UBR3: variants seen among roughly 807,000 people sequenced by gnomAD.
The protein encoded by UBR3 is ubiquitin protein ligase E3 component n-recognin 3.
A neutral mutation model predicts 243.2 loss-of-function variants in UBR3; 85 were observed. That is an observed-to-expected ratio of 0.35 (90% CI 0.29 to 0.42). UBR3 has a LOEUF of 0.42. UBR3 is among the 10% of genes least tolerant of loss of function. UBR3 has a pLI of 1.00. For missense variants in UBR3, 1,686 were observed against 2,300.8 expected (o/e 0.73, Z 5.47); for synonymous variants, 748 against 799.8 (o/e 0.94, Z 1.09).
intron 24 of UBR3, among the ~76,000 whole-genome samples, chr2:169,966,575 T>G (rs2087818743): frequency 6.6e-6 from 1 of 152,204 alleles, no homozygotes; most frequent in Non-Finnish European, 1.5e-5. Context: ...AAGTCTGTAC[T>G]TCTTTGGGGA....
rs569446701 is a variant in UBR3 at position 169,913,518 on chromosome 2, A to G, written c.1780-542A>G. ...TGGTACACACATCATTTCTTCTCCCAAATTCTGTTGTAAGTCAAGGTATTC... is the reference window on the plus strand; with the variant it reads ...TGGTACACACATCATTTCTTCTCCCGAATTCTGTTGTAAGTCAAGGTATTC... On this transcript the variant is annotated intron_variant, in intron 10 of 38. Coordinates refer to ENST00000272793, the MANE Select transcript of UBR3 (RefSeq NM_172070.4). Among the ~76,000 whole-genome samples the G allele has an allele frequency of 5.3e-5, 8 of 152,150 alleles. No homozygotes were observed. In the South Asian group the frequency reaches 1.7e-3, roughly 32 times the overall value.
chr2:170,077,940 C>T, intron 36 of UBR3: 1 of 546,114 alleles, frequency 1.8e-6, no homozygotes, highest in East Asian at 4.1e-5. Flanking sequence ...TACATTTAGA[C>T]AGAGGGACTT....
At chr2:169,932,251 T>A (rs904417774) in intron 18 of UBR3, among the ~76,000 whole-genome samples, 1 of 152,054 alleles carries the variant, frequency 6.6e-6, no homozygotes, top group African/African-American at 2.4e-5. Flanking sequence ...TTAATTTTTG[T>A]ATTTTTAGTA....
chr2:169,946,785 A>G (rs190163974), intron 21 of UBR3, among the ~76,000 whole-genome samples: 3 of 152,232 alleles, frequency 2.0e-5, no homozygotes, highest in African/African-American at 7.2e-5. Context: ...AACCAGTAAA[A>G]CTGAAGTTAG....
intron 17 of UBR3, among the ~76,000 whole-genome samples, chr2:169,928,512 TTAG>T (rs1163420315): frequency 3.3e-5 from 5 of 152,296 alleles, no homozygotes; most frequent in Non-Finnish European, 5.9e-5. Context: ...ATACAATTTA[TTAG>T]TAGGCTCCTA....
At chr2:170,073,730 T>G (rs1234580904) in intron 36 of UBR3, 123 bp downstream of exon 36, 1 of 966,084 alleles carries the variant, frequency 1.0e-6, no homozygotes, top group Non-Finnish European at 1.5e-6. Flanking sequence ...TTGATTAAAT[T>G]GAAAAAATTG....
At chr2:170,012,469 A>T (rs1227578970) in intron 29 of UBR3, among the ~76,000 whole-genome samples, 1 of 152,178 alleles carries the variant, frequency 6.6e-6, no homozygotes, top group Non-Finnish European at 1.5e-5. Flanking sequence ...AACTAATATA[A>T]CATCAATCTA....
intron 28 of UBR3, 31 bp from the exon 29 acceptor site, chr2:170,008,773 A>G: frequency 9.5e-7 from 1 of 1,048,342 alleles, no homozygotes; most frequent in Non-Finnish European, 1.4e-6. Flanking sequence ...GTGAATATAA[A>G]CTTTATATGT....
At chr2:169,979,317 C>T (rs949793860) in intron 24 of UBR3, among the ~76,000 whole-genome samples, 3 of 152,158 alleles carry the variant, frequency 2.0e-5, no homozygotes, top group Admixed American at 6.5e-5. Flanking sequence ...CAAAATGGTA[C>T]GGCTGCTTTG....
At chr2:169,971,823 A>G (rs937746590) in intron 24 of UBR3, among the ~76,000 whole-genome samples, 1 of 152,176 alleles carries the variant, frequency 6.6e-6, no homozygotes, top group Non-Finnish European at 1.5e-5. Context: ...GAAAGATCCA[A>G]AATTGACACC....
In UBR3 at chr2:170,050,194, CTT is replaced by C. The variant is rs1230608564; in HGVS notation, c.4661-5265_4661-5264del. 3.9e-5 allele frequency among the ~76,000 whole-genome samples: 6 copies of C among 152,240 alleles called. No homozygotes were observed. In the East Asian group the frequency reaches 5.8e-4, roughly 15 times the overall value. ...CTTCACTCATCAGAGAGAAAATAGACTTGAGTTTTTCACACAGAAAAGAACAT... is the reference window on the plus strand; with the variant it reads ...CTTCACTCATCAGAGAGAAAATAGACGAGTTTTTCACACAGAAAAGAACAT... On this transcript the variant is annotated intron_variant, in intron 32 of 38. Coordinates refer to ENST00000272793, the MANE Select transcript of UBR3 (RefSeq NM_172070.4).
chr2:169,852,850 CAAAAAAAAAAAA>C (rs869283640), intron 1 of UBR3, among the ~76,000 whole-genome samples: 3 of 48,284 alleles, frequency 6.2e-5, no homozygotes, highest in African/African-American at 9.5e-5. Flanking sequence ...GACTTCATCT[CAAAAAAAAAAAA>C]AAAAAAAAAA....
chr2:169,928,702 A>G (rs1236423059), intron 17 of UBR3, 25 bp from the exon 18 acceptor site: 3 of 1,437,912 alleles, frequency 2.1e-6, no homozygotes, highest in Non-Finnish European at 1.9e-6. Context: ...TGTTACTAAT[A>G]TTTTTTTCTT....
chr2:169,929,982 C>G (rs543716969), intron 18 of UBR3, among the ~76,000 whole-genome samples: 1 of 152,254 alleles, frequency 6.6e-6, no homozygotes, highest in South Asian at 2.1e-4. Context: ...AAAATCCAGT[C>G]TCTGGTTGGA....
chr2:169,906,004 G>A (rs895180778), intron 9 of UBR3, 27 bp from the exon 10 acceptor site: 21 of 1,547,886 alleles, frequency 1.4e-5, no homozygotes, highest in Non-Finnish European at 1.8e-5. Flanking sequence ...ACTTGACAAG[G>A]TTTATATCTG....
At chr2:169,997,212 G>A (rs2089522343) in intron 26 of UBR3, among the ~76,000 whole-genome samples, 1 of 152,140 alleles carries the variant, frequency 6.6e-6, no homozygotes, top group Admixed American at 6.5e-5. Context: ...TGTGGCTGGT[G>A]GCACCTCTGC....
chr2:170,039,374 G>A (rs1448215036), intron 31 of UBR3, among the ~76,000 whole-genome samples: 1 of 152,002 alleles, frequency 6.6e-6, no homozygotes, highest in Non-Finnish European at 1.5e-5. Flanking sequence ...TAGAAATGGT[G>A]TGACCCCTAC....
At chr2:170,081,675 G>C in intron 38 of UBR3, 51 bp from the exon 39 acceptor site, 1 of 1,351,926 alleles carries the variant, frequency 7.4e-7, no homozygotes, top group Non-Finnish European at 1.0e-6. Flanking sequence ...AGAAATGCAT[G>C]TGAAATCTTC....
intron 24 of UBR3, among the ~76,000 whole-genome samples, chr2:169,974,283 G>A (rs1421771162): frequency 2.6e-5 from 4 of 152,148 alleles, no homozygotes; most frequent in Non-Finnish European, 5.9e-5. Context: ...TAGCAGTGAA[G>A]TCATGTGGTC....
Sources: allele counts gnomAD v4.1 joint callset (sites outside exome capture counted in the v4.1 genomes callset), GRCh38; gene constraint gnomAD v4.1.1; transcripts MANE v1.5; gene names NCBI Gene and HGNC (gene_info 2026-07-23, HGNC 2026-07-21).